OR13C5: variants seen among roughly 807,000 people sequenced by gnomAD.
OR13C5 encodes the protein olfactory receptor 13C5.
OR13C5 carries 9 observed loss-of-function variants against 12.4 expected under a neutral mutation model. The ratio of observed to expected loss-of-function variants is 0.72; its 90% CI spans 0.44 to 1.26. OR13C5 has a LOEUF of 1.26. Among genes scored for constraint, OR13C5 ranks in the 50% most tolerant of loss-of-function variants. The pLI is 0.00. For missense variants in OR13C5, 361 were observed against 374.4 expected (o/e 0.96, Z 0.29); for synonymous variants, 124 against 139.4 (o/e 0.89, Z 0.78).
chr9:104,599,243 G>C lies in OR13C5; in HGVS notation c.171C>G (p.Thr57=). The change falls in exon 1 of 1, where the codon ACC becomes ACG. Residue 57 remains threonine, a synonymous_variant. Transcript: ENST00000374779. ...GGTTCCCCAGAAAGAAGTACATAGG[G>C]GTGTGAAGGTGAGGGTCCAAGATGC... ...LISILDPHLH[T]PMYFFLGNLS... 1.9e-6 allele frequency: 3 copies of C among 1,609,020 alleles called. No individual in the cohort carries two copies. The highest frequency in any genetic ancestry group is 2.5e-6 in the Non-Finnish European group (3 of 1,176,952).
chr9:104,598,612 G>A lies in OR13C5; in HGVS notation c.802C>T (p.Leu268Phe), dbSNP rs961511135. 3 of 1,613,762 alleles carry A rather than the reference G, an allele frequency of 1.9e-6. No individual in the cohort carries two copies. The highest frequency in any genetic ancestry group is 2.5e-6 in the Non-Finnish European group (3 of 1,179,892). The change falls in exon 1 of 1, where the codon CTT becomes TTT. Residue 268 changes from leucine (L) to phenylalanine (F), a missense_variant. Leu to Phe is a conservative substitution (Grantham distance 22, BLOSUM62 0). Transcript: ENST00000374779. ...MYMKPKSQET[L>F]NSDDLDATDK... is the part of the protein sequence containing the mutation. ...GTGGCATCCAAGTCATCTGAATTAA[G>A]TGTCTCTTGAGACTTGGGCTTCATG...
rs755034125 is a variant in OR13C5 at position 104,599,043 on chromosome 9, A to G, written c.371T>C (p.Val124Ala). ...ATATCTCAGAGGGTTGCAGATAGCC[A>G]CATAGCGGTCAAAGGCCATCACGCC... is the stretch of plus-strand genomic sequence containing the variant. ...LLGVMAFDRY[V>A]AICNPLRYPI... is the part of the protein sequence containing the mutation. The change falls in exon 1 of 1, where the codon GTG (valine) becomes GCG (alanine). Residue 124 changes from valine (V) to alanine (A), a missense_variant. Physicochemically the swap from Val to Ala is moderately conservative, Grantham distance 64 (BLOSUM62 0). Transcript: ENST00000374779. The G allele has an allele frequency of 1.9e-6, 3 of 1,613,448 alleles. No individual in the cohort carries two copies. The highest frequency in any genetic ancestry group is 2.5e-6 in the Non-Finnish European group (3 of 1,179,928).
rs748910785 is a variant in OR13C5, at chr9:104,598,547, G to A, written c.867C>T (p.Pro289=). The A allele has an allele frequency of 2.2e-5, 35 of 1,612,934 alleles. No individual in the cohort carries two copies. The highest frequency in any genetic ancestry group is 2.5e-5 in the Non-Finnish European group (30 of 1,179,370). The change falls in exon 1 of 1, where the codon CCC becomes CCT. Residue 289 remains proline, a synonymous_variant. Coordinates refer to ENST00000374779, the MANE Select transcript of OR13C5 (RefSeq NM_001004482.1). ...LIFIFYRVMT[P]MMNPLIYSLR... is the part of the protein sequence containing the mutation. ...GACTGTAGATTAAAGGATTCATCAT[G>A]GGAGTCATCACCCTGTAGAATATGA...
chr9:104,598,771 T>C lies in OR13C5; in HGVS notation c.643A>G (p.Ile215Val). The change falls in exon 1 of 1, where the codon ATT (isoleucine) becomes GTT (valine). Residue 215 changes from isoleucine to valine, a missense_variant. Transcript: ENST00000374779. The stretch of plus-strand genomic sequence containing the variant: ...AAAATGATTAACGTGTAAGAGACAA[T>C]AATTAATAACAAAGGTGTCAATAGG... ...LFLLTPLLLI[I>V]VSYTLIILSI... The C allele has an allele frequency of 6.2e-7, 1 of 1,613,912 alleles. No individual in the cohort carries two copies.
rs1410032525 is a variant in OR13C5, at chr9:104,598,583, G to A, written c.831C>T (p.Asp277=). 6.2e-7 allele frequency: 1 copy of A among 1,613,558 alleles called. No individual in the cohort carries two copies. The part of the protein sequence containing the change: ...TLNSDDLDAT[D]KLIFIFYRVM... ...CCCTGTAGAATATGAATATAAGTTT[G>A]TCAGTGGCATCCAAGTCATCTGAAT... The change falls in exon 1 of 1, where the codon GAC becomes GAT. Residue 277 remains aspartate, a synonymous_variant. Coordinates refer to ENST00000374779, the MANE Select transcript of OR13C5 (RefSeq NM_001004482.1).
In OR13C5 at chr9:104,598,762, A is replaced by G. The variant is rs1357996095; in HGVS notation, c.652T>C (p.Tyr218His). ...LTPLLLIIVS[Y>H]TLIILSIFKI... ...AAGATGCTCAAAATGATTAACGTGT[A>G]AGAGACAATAATTAATAACAAAGGT... Residue 218 changes from tyrosine to histidine, a missense_variant, in exon 1 of 1, where the codon TAC becomes CAC. Coordinates refer to ENST00000374779, the MANE Select transcript of OR13C5 (RefSeq NM_001004482.1). 1.9e-6 allele frequency: 3 copies of G among 1,614,038 alleles called. No homozygotes were observed. Among genetic ancestry groups the G allele is most frequent in the South Asian group, 1.1e-5 (1 of 91,080 alleles).
chr9:104,599,358 C>T lies in OR13C5; in HGVS notation c.56G>A (p.Gly19Asp), dbSNP rs76557365. 3.8e-6 allele frequency: 6 copies of T among 1,576,006 alleles called. No individual in the cohort carries two copies. The highest frequency in any genetic ancestry group is 5.1e-6 in the Non-Finnish European group (6 of 1,165,094). Residue 19 changes from glycine to aspartate, a missense_variant, in exon 1 of 1, where the codon GGT becomes GAT. Gly to Asp is a moderately conservative substitution (Grantham distance 94). This residue lies in a region of OR13C5 where 67 missense variants were observed against 106.4 expected (regional missense o/e 0.63). Transcript: ENST00000374779. ...AAAGAGTAACTCAAGTCTTGGGTGA[C>T]CAGAAAGTCCCTTCAGAAAAAATTC... ...LVEFFLKGLS[G>D]HPRLELLFFV...
rs748795360 is a variant in OR13C5, at chr9:104,598,470, T to C, written c.944A>G (p.Asn315Ser). The change falls in exon 1 of 1, where the codon AAT becomes AGT. Residue 315 changes from asparagine (N) to serine (S), a missense_variant. Coordinates refer to ENST00000374779, the MANE Select transcript of OR13C5 (RefSeq NM_001004482.1). Reference sequence around the variant, plus strand: ...CACCTTTCTCATTTACTTGTTAAAATTTTTTCTTCTCAGTAGGTGTTTTAC... The same window carrying C: ...CACCTTTCTCATTTACTTGTTAAAACTTTTTCTTCTCAGTAGGTGTTTTAC... Reference protein sequence around the residue: ...EAVKHLLRRKNFNK With the variant: ...EAVKHLLRRKSFNK 1 of 1,523,666 alleles carries C rather than the reference T, an allele frequency of 6.6e-7. No homozygotes were observed. The highest frequency in any genetic ancestry group is 2.2e-5 in the Admixed American group (1 of 46,302). 94.4% of individuals were successfully genotyped at this position (1,523,666 alleles called of 1,614,324 possible). A position where few individuals can be genotyped will look rare whatever the true frequency, so the allele number is the denominator to read the frequency against.
In OR13C5 at chr9:104,598,631, C is replaced by T; in HGVS notation, c.783G>A (p.Lys261=). ...AATTAAGTGTCTCTTGAGACTTGGG[C>T]TTCATGTACATGAGGAAGATGGTCC... ...FCGTIFLMYM[K]PKSQETLNSD... Residue 261 remains lysine (K), a synonymous_variant, in exon 1 of 1, where the codon AAG becomes AAA. Coordinates refer to ENST00000374779, the MANE Select transcript of OR13C5 (RefSeq NM_001004482.1). The T allele has an allele frequency of 2.5e-6, 4 of 1,613,918 alleles. No homozygotes were observed. The highest frequency in any genetic ancestry group is 2.5e-6 in the Non-Finnish European group (3 of 1,179,920).
At position 104,598,790 on chromosome 9, in the gene OR13C5, C is replaced by T. The variant is rs748093021; in HGVS notation, c.624G>A (p.Leu208=). The part of the protein sequence containing the change: ...ILLVTTTLFL[L]TPLLLIIVSY... ...AGACAATAATTAATAACAAAGGTGT[C>T]AATAGGAACAATGTTGTGGTCACAA... Residue 208 remains leucine, a synonymous_variant, in exon 1 of 1, where the codon TTG becomes TTA. Transcript: ENST00000374779. 6.2e-7 allele frequency: 1 copy of T among 1,613,962 alleles called. No individual in the cohort carries two copies. Among genetic ancestry groups the T allele is most frequent in the Non-Finnish European group, 8.5e-7 (1 of 1,179,958 alleles).
Position 104,598,679 on chromosome 9 carries a change from C to CA in OR13C5, c.734dup (p.Thr246AspfsTer24). 6.2e-7 allele frequency: 1 copy of CA among 1,613,972 alleles called. No homozygotes were observed. Reference sequence around the variant, plus strand: ...TCCCACAGAATGTTATCACCACAGTCAGACGAGCTGAGCAGGTAGAGGAAG... The same window carrying CA: ...TCCCACAGAATGTTATCACCACAGTCAAGACGAGCTGAGCAGGTAGAGGAAG... On this transcript the variant is annotated frameshift_variant, in exon 1 of 1. Transcript: ENST00000374779. LOFTEE classifies it high-confidence loss of function.
chr9:104,599,058 G>C lies in OR13C5; in HGVS notation c.356C>G (p.Ala119Gly). 1.2e-6 allele frequency: 2 copies of C among 1,612,628 alleles called. No homozygotes were observed. The highest frequency in any genetic ancestry group is 2.2e-5 in the South Asian group (2 of 90,998). Reference protein sequence around the residue: ...TTECVLLGVMAFDRYVAICNP... With the variant: ...TTECVLLGVMGFDRYVAICNP... ...GCAGATAGCCACATAGCGGTCAAAG[G>C]CCATCACGCCCAGAAGCACACACTC... Residue 119 changes from alanine (A) to glycine (G), a missense_variant, in exon 1 of 1, where the codon GCC (alanine) becomes GGC (glycine). Transcript: ENST00000374779.
chr9:104,598,493 T>A lies in OR13C5; in HGVS notation c.921A>T (p.Val307=), dbSNP rs1455140474. The A allele has an allele frequency of 6.9e-6, 11 of 1,591,172 alleles. No individual in the cohort carries two copies. Among genetic ancestry groups the A allele is most frequent in the Non-Finnish European group, 9.4e-6 (11 of 1,169,944 alleles). ...SLRNKDVKEA[V]KHLLRRKNFN... is the part of the protein sequence containing the mutation. ...AATTTTTTCTTCTCAGTAGGTGTTT[T>A]ACTGCCTCCTTCACATCCTTGTTTC... Residue 307 remains valine (V), a synonymous_variant, in exon 1 of 1, where the codon GTA becomes GTT. Transcript: ENST00000374779.
Position 104,599,086 on chromosome 9 carries a change from T to C in OR13C5, c.328A>G (p.Thr110Ala), listed in dbSNP as rs544028070. 1.5e-5 allele frequency: 25 copies of C among 1,613,132 alleles called. No homozygotes were observed. The African/African-American group carries it at 2.8e-4, about 18-fold the overall frequency. The change falls in exon 1 of 1, where the codon ACA (threonine) becomes GCA (alanine). Residue 110 changes from threonine to alanine, a missense_variant. Thr to Ala is a moderately conservative substitution (Grantham distance 58). Around this residue, in one of 2 missense-constraint regions of OR13C5, gnomAD observed 294 missense variants for 268.0 expected, o/e 1.10. Coordinates refer to ENST00000374779, the MANE Select transcript of OR13C5 (RefSeq NM_001004482.1). ...QMFLSLAMGT[T>A]ECVLLGVMAF... ...ATCACGCCCAGAAGCACACACTCTG[T>C]TGTCCCCATGGCCAAGCTGAGGAAC...
At position 104,598,827 on chromosome 9, in the gene OR13C5, T is replaced by A; in HGVS notation, c.587A>T (p.Glu196Val). The A allele has an allele frequency of 6.2e-7, 1 of 1,614,084 alleles. No homozygotes were observed. The highest frequency in any genetic ancestry group is 1.1e-5 in the South Asian group (1 of 91,086). ...TGTTGTGGTCACAAGCAGGATGAACTCATTGCCTGAGATGTCAGCACAGGC... is the reference window on the plus strand; with the variant it reads ...TGTTGTGGTCACAAGCAGGATGAACACATTGCCTGAGATGTCAGCACAGGC... ...KLACADISGN[E>V]FILLVTTTLF... The change falls in exon 1 of 1, where the codon GAG becomes GTG. Residue 196 changes from glutamate to valine, a missense_variant. Physicochemically the swap from Glu to Val is moderately radical, Grantham distance 121. Transcript: ENST00000374779.
chr9:104,598,714 TC>T lies in OR13C5; in HGVS notation c.699del (p.Arg234GlufsTer12), dbSNP rs1826224349. The T allele has an allele frequency of 2.5e-6, 4 of 1,613,812 alleles. No individual in the cohort carries two copies. Among genetic ancestry groups the T allele is most frequent in the Non-Finnish European group, 3.4e-6 (4 of 1,179,944 alleles). Reference sequence around the variant, plus strand: ...GAGCAGGTAGAGGAAGGTTTGCTTCTCCCCTCCGAAGAGCTAATTTTGAAGA... The same window carrying T: ...GAGCAGGTAGAGGAAGGTTTGCTTCTCCCTCCGAAGAGCTAATTTTGAAGA... Reference protein sequence around the residue: ...LSIFKISSSEGRSKPSSTCSA... With the variant: ...LSIFKISSSEXRSKPSSTCSA... On this transcript the variant is annotated frameshift_variant, in exon 1 of 1. Transcript: ENST00000374779. LOFTEE classifies it high-confidence loss of function.
chr9:104,599,313 AT>A lies in OR13C5; in HGVS notation c.100del (p.Met34CysfsTer14), dbSNP rs1287716607. ...ELLFFVLIFI[M>X]YVVILLGNGT... ...ATTCCCCAGAAGGATGACCACATAC[AT>A]TATGAAGATGAGCACAAAAAAGAGT... On this transcript the variant is annotated frameshift_variant, in exon 1 of 1. Transcript: ENST00000374779. LOFTEE classifies it high-confidence loss of function. 1 of 1,607,262 alleles carries A rather than the reference AT, an allele frequency of 6.2e-7. No homozygotes were observed. The highest frequency in any genetic ancestry group is 2.2e-5 in the East Asian group (1 of 44,772).
In OR13C5 at chr9:104,599,046, T is replaced by C; in HGVS notation, c.368A>G (p.Tyr123Cys). 4 of 1,613,468 alleles carry C rather than the reference T, an allele frequency of 2.5e-6. No individual in the cohort carries two copies. The highest frequency in any genetic ancestry group is 2.2e-5 in the East Asian group (1 of 44,824). ...VLLGVMAFDR[Y>C]VAICNPLRYP... Reference sequence around the variant, plus strand: ...TCTCAGAGGGTTGCAGATAGCCACATAGCGGTCAAAGGCCATCACGCCCAG... The same window carrying C: ...TCTCAGAGGGTTGCAGATAGCCACACAGCGGTCAAAGGCCATCACGCCCAG... The change falls in exon 1 of 1, where the codon TAT (tyrosine) becomes TGT (cysteine). Residue 123 changes from tyrosine to cysteine, a missense_variant. Physicochemically the swap from Tyr to Cys is radical, Grantham distance 194. This residue lies in a region of OR13C5 where 294 missense variants were observed against 268.0 expected (regional missense o/e 1.10). Coordinates refer to ENST00000374779, the MANE Select transcript of OR13C5 (RefSeq NM_001004482.1).
At position 104,599,168 on chromosome 9, in the gene OR13C5, T is replaced by G; in HGVS notation, c.246A>C (p.Leu82=). 6.4e-7 allele frequency: 1 copy of G among 1,573,992 alleles called. No individual in the cohort carries two copies. Among genetic ancestry groups the G allele is most frequent in the South Asian group, 1.1e-5 (1 of 89,202 alleles). The change falls in exon 1 of 1, where the codon CTA becomes CTC. Residue 82 remains leucine (L), a synonymous_variant. Coordinates refer to ENST00000374779, the MANE Select transcript of OR13C5 (RefSeq NM_001004482.1). ...CYTTTSIPST[L]VSFLSERKTI... ...TCTTTCTTTCTGAAAGGAAGCTCAC[T>G]AGCGTGGAGGGAATAGAGGTGGTGG...
Sources: gnomAD v4.1 joint callset for allele counts on GRCh38, gnomAD v4.1.1 for gene constraint, gnomAD v4.1.1 regional missense constraint, MANE v1.5 for transcripts, NCBI Gene and HGNC (gene_info 2026-07-23, HGNC 2026-07-21) for gene names.